AFG2A: variants seen among roughly 807,000 people sequenced by gnomAD.
AFG2A encodes AAA ATPase AFG2A.
the AFG2A span, among the ~76,000 whole-genome samples, chr4:123,173,400 G>C: frequency 7.9e-6 from 1 of 127,166 alleles, no homozygotes; most frequent in Non-Finnish European, 1.6e-5. Context: ...CTGTCACCCA[G>C]GCTGGAGTGC....
At chr4:123,105,206 A>G in the AFG2A span, among the ~76,000 whole-genome samples, 3 of 152,068 alleles carry the variant, frequency 2.0e-5, no homozygotes, top group Non-Finnish European at 2.9e-5. Context: ...TGTTAAGTCT[A>G]CTCTGCCTGT....
chr4:123,094,336 A>G, the AFG2A span, among the ~76,000 whole-genome samples: 21 of 152,258 alleles, frequency 1.4e-4, no homozygotes, highest in African/African-American at 4.8e-4. Context: ...CCTATTTCCC[A>G]TCATGGCTTG....
the AFG2A span, among the ~76,000 whole-genome samples, chr4:123,297,658 G>C: frequency 7.2e-5 from 11 of 151,860 alleles, no homozygotes; most frequent in Admixed American, 1.3e-4. Context: ...GGCGGAGCTT[G>C]CAGTGAGCCG....
chr4:123,007,608 G>GTGTGTATATA, the AFG2A span, among the ~76,000 whole-genome samples: 32 of 18,144 alleles, frequency 1.8e-3, no homozygotes, highest in African/African-American at 5.4e-3. Context: ...GTGTGTGTGT[G>GTGTGTATATA]TATATATATA....
At chr4:122,980,833 T>A in the AFG2A span, among the ~76,000 whole-genome samples, 1 of 152,186 alleles carries the variant, frequency 6.6e-6, no homozygotes, top group African/African-American at 2.4e-5. Flanking sequence ...CCATTTTTAA[T>A]CAGATTGTTT....
At chr4:123,090,636 G>A in the AFG2A span, 1 of 1,614,164 alleles carries the variant, frequency 6.2e-7, no homozygotes, top group South Asian at 1.1e-5. Flanking sequence ...TAACAGAAAT[G>A]GATGGGATTG....
chr4:123,200,360 A>G, the AFG2A span, among the ~76,000 whole-genome samples: 2 of 152,040 alleles, frequency 1.3e-5, no homozygotes, highest in African/African-American at 4.8e-5. Flanking sequence ...TCTTTTCTCT[A>G]CTCTTCCTGT....
At chr4:123,068,569 T>C in the AFG2A span, among the ~76,000 whole-genome samples, 1 of 152,174 alleles carries the variant, frequency 6.6e-6, no homozygotes, top group Admixed American at 6.6e-5. Flanking sequence ...AATAACAGCA[T>C]AGAATCACAA....
At chr4:122,934,897 T>A in the AFG2A span, among the ~76,000 whole-genome samples, 1 of 152,226 alleles carries the variant, frequency 6.6e-6, no homozygotes, top group Non-Finnish European at 1.5e-5. Flanking sequence ...GCCAGTTAAA[T>A]GGGCCATTTG....
chr4:123,090,163 C>CT, the AFG2A span, among the ~76,000 whole-genome samples: 1 of 152,194 alleles, frequency 6.6e-6, no homozygotes, highest in East Asian at 1.9e-4. Flanking sequence ...TTCACATAGA[C>CT]TTTAGGTTTC....
chr4:122,956,390 G>T, the AFG2A span, among the ~76,000 whole-genome samples: 1 of 152,184 alleles, frequency 6.6e-6, no homozygotes, highest in Non-Finnish European at 1.5e-5. Context: ...GCAGAGCTGG[G>T]ATTTAAAGCC....
chr4:122,975,241 A>G, the AFG2A span, among the ~76,000 whole-genome samples: 4 of 152,166 alleles, frequency 2.6e-5, no homozygotes. Context: ...ATATTCTCTA[A>G]AGGAGAGGAA....
the AFG2A span, among the ~76,000 whole-genome samples, chr4:122,958,852 T>C: frequency 6.6e-6 from 1 of 152,194 alleles, no homozygotes; most frequent in South Asian, 2.1e-4. Context: ...ATTAAGTGTT[T>C]AAGGGAGTTA....
chr4:123,106,780 C>T, the AFG2A span, among the ~76,000 whole-genome samples: 1 of 152,246 alleles, frequency 6.6e-6, no homozygotes, highest in Non-Finnish European at 1.5e-5. Flanking sequence ...CTCGCACCCA[C>T]TGAGCTTGTT....
the AFG2A span, among the ~76,000 whole-genome samples, chr4:123,033,932 A>G: frequency 1.3e-5 from 2 of 152,166 alleles, no homozygotes; most frequent in African/African-American, 4.8e-5. Flanking sequence ...CTTTCCAAAG[A>G]ATTTAATATC....
chr4:123,220,359 C>G, the AFG2A span, among the ~76,000 whole-genome samples: 1 of 151,826 alleles, frequency 6.6e-6, no homozygotes, highest in Non-Finnish European at 1.5e-5. Flanking sequence ...TGCCTGTTAT[C>G]CCAGCATTTT....
chr4:123,198,465 G>C, the AFG2A span, among the ~76,000 whole-genome samples: 1 of 152,102 alleles, frequency 6.6e-6, no homozygotes, highest in African/African-American at 2.4e-5. Flanking sequence ...TAACTGCCTG[G>C]TTGAACCCCT....
the AFG2A span, among the ~76,000 whole-genome samples, chr4:123,061,001 G>A: frequency 1.3e-5 from 2 of 152,170 alleles, no homozygotes; most frequent in Non-Finnish European, 2.9e-5. Context: ...TATAGCAAGA[G>A]TAACATTTAC....
the AFG2A span, among the ~76,000 whole-genome samples, chr4:123,042,356 A>C: frequency 6.6e-6 from 1 of 151,908 alleles, no homozygotes; most frequent in East Asian, 1.9e-4. Flanking sequence ...GAGAGATATC[A>C]AGCTCTCCTG....
Sources: allele counts gnomAD v4.1 joint callset (sites outside exome capture counted in the v4.1 genomes callset), GRCh38; gene constraint gnomAD v4.1.1; transcripts MANE v1.5; gene names NCBI Gene and HGNC (gene_info 2026-07-23, HGNC 2026-07-21).